ARFGEF1: variants seen among roughly 807,000 people sequenced by gnomAD.
The protein encoded by ARFGEF1 is ARF guanine nucleotide exchange factor 1.
A neutral mutation model predicts 231.0 loss-of-function variants in ARFGEF1; 42 were observed. The observed-to-expected ratio is 0.18, with a 90% confidence interval of 0.14 to 0.24. The LOEUF (loss-of-function observed/expected upper bound fraction) is 0.24. Ranked by LOEUF, ARFGEF1 falls within the 10% of genes least tolerant of loss-of-function variation. The pLI is 1.00. For missense variants in ARFGEF1, 1,345 were observed against 2,192.0 expected (o/e 0.61, Z 7.72); for synonymous variants, 710 against 732.3 (o/e 0.97, Z 0.49).
chr8:67,209,729 G>A lies in ARFGEF1; in HGVS notation c.4819+1754C>T, dbSNP rs574117063. Among the ~76,000 whole-genome samples the A allele has an allele frequency of 2.7e-4, 41 of 152,196 alleles. 1 individual carries two copies. In the South Asian group the frequency reaches 7.9e-3, roughly 29 times the overall value. The stretch of plus-strand genomic sequence containing the variant: ...AAGGGTTCCTCTTTTTTGTGAAAAG[G>A]TGAGGGGAGGAATACAGGTGACCTG... On this transcript the variant is annotated intron_variant, in intron 34 of 38. Transcript: ENST00000262215.
At chr8:67,254,822 G>C (rs1316254614) in intron 17 of ARFGEF1, among the ~76,000 whole-genome samples, 2 of 151,782 alleles carry the variant, frequency 1.3e-5, no homozygotes, top group African/African-American at 2.4e-5. Flanking sequence ...TACCATGAAA[G>C]TTTTCAAGTG....
At chr8:67,195,446 C>G, downstream of ARFGEF1, 1 of 1,614,194 alleles carries the variant, frequency 6.2e-7, no homozygotes, top group Non-Finnish European at 8.5e-7. Context: ...ACGGATCAAA[C>G]TCTGTAGCAA....
At chr8:67,318,502 G>A (rs1807431661) in intron 1 of ARFGEF1, among the ~76,000 whole-genome samples, 1 of 152,072 alleles carries the variant, frequency 6.6e-6, no homozygotes, top group Non-Finnish European at 1.5e-5. Context: ...AGGTTAGAGA[G>A]AAATACAACA....
chr8:67,309,281 G>A (rs1806885910), intron 1 of ARFGEF1, among the ~76,000 whole-genome samples: 2 of 152,182 alleles, frequency 1.3e-5, no homozygotes, highest in Admixed American at 6.5e-5. Flanking sequence ...GGGGAAAAGA[G>A]AGATAGCGAT....
chr8:67,308,379 G>A (rs532352522), intron 1 of ARFGEF1, among the ~76,000 whole-genome samples: 64 of 152,346 alleles, frequency 4.2e-4, no homozygotes, highest in Middle Eastern at 6.8e-3. Context: ...GGGAGAGACA[G>A]CTACCTAGAG....
At chr8:67,264,523 G>A (rs760593119) in intron 14 of ARFGEF1, among the ~76,000 whole-genome samples, 4 of 152,040 alleles carry the variant, frequency 2.6e-5, no homozygotes, top group South Asian at 2.1e-4. Context: ...GGCTGATGTT[G>A]GAAAAGGGCT....
chr8:67,259,370 G>C (rs1840567948), intron 15 of ARFGEF1, among the ~76,000 whole-genome samples: 3 of 152,092 alleles, frequency 2.0e-5, no homozygotes, highest in Admixed American at 6.5e-5. Context: ...GGGATTACAG[G>C]AGCCCACCAC....
At position 67,206,253 on chromosome 8, in the gene ARFGEF1, T is replaced by C. The variant is rs866167529; in HGVS notation, c.4820-1434A>G. Among the ~76,000 whole-genome samples the C allele has an allele frequency of 3.2e-4, 49 of 151,640 alleles. No individual in the cohort carries two copies. The Middle Eastern group carries it at 0.017, about 53-fold the overall frequency. On this transcript the variant is annotated intron_variant, in intron 34 of 38. Transcript: ENST00000262215. ...GGTGAAACCCCATCTCTACTAAAAA[T>C]ACAAAAATTAGCCGGGTGTGGTGGC...
chr8:67,219,800 C>T (rs773831167), intron 29 of ARFGEF1, among the ~76,000 whole-genome samples: 4 of 152,058 alleles, frequency 2.6e-5, no homozygotes, highest in Non-Finnish European at 5.9e-5. Context: ...TTTACTTTTC[C>T]TTTACTCTTA....
chr8:67,340,413 C>A (rs186818883), intron 1 of ARFGEF1, among the ~76,000 whole-genome samples: 1 of 152,324 alleles, frequency 6.6e-6, no homozygotes, highest in Admixed American at 6.5e-5. Flanking sequence ...GCTTTCCCAT[C>A]CTGCTTAATG....
intron 25 of ARFGEF1, 65 bp from the exon 26 acceptor site, chr8:67,227,663 T>C: frequency 6.5e-7 from 1 of 1,540,872 alleles, no homozygotes; most frequent in Non-Finnish European, 8.8e-7. Context: ...CAATTCTTTA[T>C]TTTTTGTTTT....
At chr8:67,330,177 T>C (rs1033238128) in intron 1 of ARFGEF1, among the ~76,000 whole-genome samples, 1 of 152,098 alleles carries the variant, frequency 6.6e-6, no homozygotes, top group Non-Finnish European at 1.5e-5. Flanking sequence ...TTTTGCATAT[T>C]AATTACCTAC....
At chr8:67,196,421 G>GTGA (rs1367701288), downstream of ARFGEF1, among the ~76,000 whole-genome samples, 1 of 152,248 alleles carries the variant, frequency 6.6e-6, no homozygotes, top group Middle Eastern at 3.4e-3. Flanking sequence ...CACTCAGTAA[G>GTGA]TGATACTTCT....
intron 29 of ARFGEF1, among the ~76,000 whole-genome samples, chr8:67,221,637 G>C (rs924604176): frequency 6.6e-6 from 1 of 151,918 alleles, no homozygotes; most frequent in Non-Finnish European, 1.5e-5. Flanking sequence ...AGTAGGCTAT[G>C]GTTAATTTTT....
intron 1 of ARFGEF1, among the ~76,000 whole-genome samples, chr8:67,312,621 C>T (rs942775652): frequency 4.6e-5 from 7 of 152,028 alleles, no homozygotes; most frequent in Non-Finnish European, 8.8e-5. Flanking sequence ...TTTGAAACAC[C>T]GTGAAGAATG....
At chr8:67,221,069 G>A (rs1839139428) in intron 29 of ARFGEF1, among the ~76,000 whole-genome samples, 2 of 152,132 alleles carry the variant, frequency 1.3e-5, no homozygotes, top group South Asian at 2.1e-4. Context: ...TGTAGTTGAG[G>A]CTTTCACTGA....
At chr8:67,208,819 T>C (rs867881608) in intron 34 of ARFGEF1, among the ~76,000 whole-genome samples, 2 of 152,024 alleles carry the variant, frequency 1.3e-5, no homozygotes, top group Admixed American at 6.5e-5. Context: ...AAATAAGATA[T>C]ACAAATGGTC....
At chr8:67,265,076 T>G (rs1804794748) in intron 14 of ARFGEF1, among the ~76,000 whole-genome samples, 1 of 152,192 alleles carries the variant, frequency 6.6e-6, no homozygotes, top group Non-Finnish European at 1.5e-5. Context: ...CCCCAGGATC[T>G]TGCATAATAT....
Position 67,301,242 on chromosome 8 carries a change from T to A in ARFGEF1, c.294A>T (p.Thr98=). The A allele has an allele frequency of 3.7e-6, 6 of 1,612,378 alleles. No homozygotes were observed. The highest frequency in any genetic ancestry group is 5.1e-6 in the Non-Finnish European group (6 of 1,179,608). ...CQSKCPRIVS[T]SLDCLQKLIA... is the part of the protein sequence containing the mutation. The stretch of plus-strand genomic sequence containing the variant: ...GACATACCTGTAAGCAATCTAGAGA[T>A]GTACTAACTATGCGAGGACATTTGG... Residue 98 remains threonine, a synonymous_variant, in exon 3 of 39, where the codon ACA becomes ACT. Transcript: ENST00000262215.
Sources: gnomAD v4.1 joint callset for allele counts (sites outside exome capture counted in the v4.1 genomes callset) on GRCh38, gnomAD v4.1.1 for gene constraint, MANE v1.5 for transcripts, NCBI Gene and HGNC (gene_info 2026-07-23, HGNC 2026-07-21) for gene names.